TENM3: variants seen among roughly 807,000 people sequenced by gnomAD.
The protein encoded by TENM3 is teneurin transmembrane protein 3, also known as teneurin-3.
A neutral mutation model predicts 255.1 loss-of-function variants in TENM3; 63 were observed. The ratio of observed to expected loss-of-function variants is 0.25; its 90% confidence interval spans 0.20 to 0.30. The LOEUF (loss-of-function observed/expected upper bound fraction) is 0.30, where lower values mean the gene tolerates loss of function less well. TENM3 is among the 10% of genes least tolerant of loss of function. The pLI, the probability that TENM3 is intolerant of heterozygous loss-of-function variation, is 1.00. For missense variants in TENM3, 2,929 were observed against 3,461.1 expected (o/e 0.85, Z 3.86); for synonymous variants, 1,306 against 1,322.3 (o/e 0.99, Z 0.27).
At chr4:181,947,060 G>T in the TENM3 span, among the ~76,000 whole-genome samples, 10 of 152,018 alleles carry the variant, frequency 6.6e-5, no homozygotes, top group Non-Finnish European at 1.2e-4. Context: ...CTATAAAATG[G>T]GCTTCATAAT....
the TENM3 span, among the ~76,000 whole-genome samples, chr4:181,768,475 C>A: frequency 6.6e-6 from 1 of 152,126 alleles, no homozygotes; most frequent in African/African-American, 2.4e-5. Context: ...AGTCTTAATA[C>A]AAAAATAGTT....
At chr4:181,710,888 A>AG in the TENM3 span, among the ~76,000 whole-genome samples, 2 of 150,102 alleles carry the variant, frequency 1.3e-5, no homozygotes, top group African/African-American at 5.0e-5. Context: ...AAGGAAAAAA[A>AG]GAAAAAAAAA....
the TENM3 span, among the ~76,000 whole-genome samples, chr4:181,725,143 G>T: frequency 6.6e-6 from 1 of 152,092 alleles, no homozygotes; most frequent in Admixed American, 6.5e-5. Flanking sequence ...TTAGCTTAGC[G>T]TTCAGCATCC....
the TENM3 span, among the ~76,000 whole-genome samples, chr4:181,591,135 T>C: frequency 6.6e-6 from 1 of 152,292 alleles, no homozygotes; most frequent in East Asian, 1.9e-4. Context: ...CCAAGATTCT[T>C]GCAAATCAAA....
At chr4:182,169,182 G>A (rs1177344749) in intron 1 of TENM3, 1 of 450,478 alleles carries the variant, frequency 2.2e-6, no homozygotes, top group African/African-American at 2.0e-5. Flanking sequence ...AAATTAATGA[G>A]ATTAATTCAT....
chr4:181,937,664 G>A, the TENM3 span, among the ~76,000 whole-genome samples: 1 of 152,132 alleles, frequency 6.6e-6, no homozygotes, highest in East Asian at 1.9e-4. Flanking sequence ...TTCACACCCT[G>A]GCACTACTAC....
chr4:182,698,032 G>A (rs563704407), intron 12 of TENM3: 10 of 152,220 alleles, frequency 6.6e-5, no homozygotes, highest in African/African-American at 1.7e-4. Context: ...ATCAAAAAAA[G>A]GACATGGAGC....
At chr4:182,273,065 T>A (rs1759753232) in intron 1 of TENM3, among the ~76,000 whole-genome samples, 2 of 152,190 alleles carry the variant, frequency 1.3e-5, no homozygotes, top group Admixed American at 1.3e-4. Context: ...AAGATGGTTG[T>A]AACTGGGATG....
At chr4:181,735,369 A>G in the TENM3 span, among the ~76,000 whole-genome samples, 1 of 152,276 alleles carries the variant, frequency 6.6e-6, no homozygotes, top group South Asian at 2.1e-4. Context: ...ATACAATTTG[A>G]TGCTTGTTTT....
chr4:182,294,349 A>G (rs1179248725), intron 1 of TENM3, among the ~76,000 whole-genome samples: 1 of 152,166 alleles, frequency 6.6e-6, no homozygotes, highest in East Asian at 1.9e-4. Context: ...GGGCCACCCC[A>G]CAGCAGCAAC....
chr4:182,782,906 T>G (rs1219100402), intron 24 of TENM3, among the ~76,000 whole-genome samples: 5 of 151,546 alleles, frequency 3.3e-5, no homozygotes, highest in African/African-American at 1.2e-4. Context: ...TCCATTGGCT[T>G]GGTAGATCTT....
chr4:182,082,736 G>A, the TENM3 span, among the ~76,000 whole-genome samples: 7 of 152,278 alleles, frequency 4.6e-5, no homozygotes, highest in South Asian at 2.1e-4. Context: ...ATGATGCCAC[G>A]TGTGTTTTCA....
chr4:182,236,608 G>T (rs549970245), intron 1 of TENM3, among the ~76,000 whole-genome samples: 1 of 152,156 alleles, frequency 6.6e-6, no homozygotes, highest in African/African-American at 2.4e-5. Context: ...TACGGAAAAT[G>T]TATGTTAAAT....
At chr4:181,722,444 G>T in the TENM3 span, among the ~76,000 whole-genome samples, 1 of 152,088 alleles carries the variant, frequency 6.6e-6, no homozygotes, top group African/African-American at 2.4e-5. Context: ...TGGGAGGGTT[G>T]GAATTAGAGA....
chr4:181,609,367 C>T, the TENM3 span, among the ~76,000 whole-genome samples: 1 of 152,184 alleles, frequency 6.6e-6, no homozygotes, highest in Non-Finnish European at 1.5e-5. Context: ...TTCCACATCA[C>T]TCTGTAAGCT....
chr4:181,466,080 C>T, the TENM3 span, among the ~76,000 whole-genome samples: 2,702 of 151,448 alleles, frequency 0.018, 90 homozygotes, highest in African/African-American at 0.063. Flanking sequence ...GTGGATAATG[C>T]CTATGTGGAA....
chr4:181,616,250 A>T, the TENM3 span, among the ~76,000 whole-genome samples: 2 of 133,822 alleles, frequency 1.5e-5, no homozygotes, highest in Non-Finnish European at 1.6e-5. Context: ...TGAGAAGGTG[A>T]TGGGACCTTC....
chr4:181,765,922 TGTTAA>T, the TENM3 span, among the ~76,000 whole-genome samples: 2 of 152,154 alleles, frequency 1.3e-5, no homozygotes, highest in Admixed American at 6.5e-5. Flanking sequence ...TTTTATAAAG[TGTTAA>T]GTTATGTGGA....
chr4:182,097,260 C>CT, the TENM3 span, among the ~76,000 whole-genome samples: 7 of 152,122 alleles, frequency 4.6e-5, no homozygotes, highest in Admixed American at 3.9e-4. Context: ...GAAGCTTCTC[C>CT]TTTTACTCTG....
Sources: allele counts gnomAD v4.1 joint callset (sites outside exome capture counted in the v4.1 genomes callset), GRCh38; gene constraint gnomAD v4.1.1; transcripts MANE v1.5; gene names NCBI Gene and HGNC (gene_info 2026-07-23, HGNC 2026-07-21).